The following ADGRV1 variants were observed in gnomAD, a reference collection of about 807,000 sequenced individuals.
The protein encoded by ADGRV1 is adhesion G protein-coupled receptor V1.
In ADGRV1, 359 loss-of-function variants were observed where a neutral mutation model predicts 596.2. The observed-to-expected ratio is 0.60, with a 90% confidence interval of 0.55 to 0.66. ADGRV1 has a LOEUF of 0.66. Ranked by LOEUF, ADGRV1 falls within the 30% of genes least tolerant of loss-of-function variation. The pLI is 0.00. For synonymous variants in ADGRV1, 2,681 were observed against 2,679.2 expected, an observed-to-expected ratio of 1.00 and a Z score of -0.02; for missense variants, 7,274 against 7,575.6, an observed-to-expected ratio of 0.96 and a Z score of 1.48.
intron 5 of ADGRV1, among the ~76,000 whole-genome samples, chr5:90,623,137 TTAAAA>T (rs1764311815): frequency 1.3e-5 from 2 of 152,206 alleles, no homozygotes; most frequent in Admixed American, 6.5e-5. Flanking sequence ...CACAATACAA[TTAAAA>T]TAAAGATGAA....
At chr5:90,611,705 A>AT (rs1762747905) in intron 1 of ADGRV1, among the ~76,000 whole-genome samples, 2 of 151,988 alleles carry the variant, frequency 1.3e-5, no homozygotes, top group South Asian at 4.1e-4. Context: ...GCATGAAAAA[A>AT]TTTTGTTAAA....
chr5:90,878,796 A>C (rs1769463729), intron 83 of ADGRV1, among the ~76,000 whole-genome samples: 4 of 152,230 alleles, frequency 2.6e-5, no homozygotes, highest in Non-Finnish European at 5.9e-5. Context: ...AGTCAGCTAC[A>C]TGGTGTAGTG....
intron 84 of ADGRV1, among the ~76,000 whole-genome samples, chr5:90,973,191 G>A (rs1417903393): frequency 6.6e-6 from 1 of 152,158 alleles, no homozygotes; most frequent in Non-Finnish European, 1.5e-5. Context: ...AACAGGCTCT[G>A]AAATTGAGGC....
At chr5:90,703,894 T>G in intron 35 of ADGRV1, 99 bp downstream of exon 35, 2 of 831,334 alleles carry the variant, frequency 2.4e-6, no homozygotes, top group Non-Finnish European at 3.7e-6. Context: ...GTTATTATCT[T>G]TCTCTCTTCT....
At chr5:90,823,334 G>C in intron 75 of ADGRV1, 91 bp from the exon 76 acceptor site, 1 of 1,275,920 alleles carries the variant, frequency 7.8e-7, no homozygotes, top group South Asian at 1.3e-5. Flanking sequence ...GGTATACTTT[G>C]GATGAAGAGG....
At chr5:90,675,856 T>A (rs1477020699) in intron 24 of ADGRV1, among the ~76,000 whole-genome samples, 1 of 152,080 alleles carries the variant, frequency 6.6e-6, no homozygotes, top group Admixed American at 6.6e-5. Context: ...AGAAATAATC[T>A]ACTTTATCTA....
At chr5:91,040,512 T>G (rs796915703) in intron 85 of ADGRV1, among the ~76,000 whole-genome samples, 3 of 152,332 alleles carry the variant, frequency 2.0e-5, no homozygotes, top group African/African-American at 7.2e-5. Context: ...TGCATTTCAC[T>G]TAGTTGTTAA....
At chr5:90,955,737 C>G (rs969006386) in intron 83 of ADGRV1, among the ~76,000 whole-genome samples, 21 of 152,132 alleles carry the variant, frequency 1.4e-4, no homozygotes, top group Admixed American at 1.3e-3. Context: ...TCTCTGTCAA[C>G]TTTATGTTGG....
Position 90,604,458 on chromosome 5 carries a change from GA to G in ADGRV1, c.23-10367del, listed in dbSNP as rs972636127. Among the ~76,000 whole-genome samples, 32 of 150,394 alleles carry G rather than the reference GA, an allele frequency of 2.1e-4. 1 individual carries two copies. The highest frequency in any genetic ancestry group is 4.6e-4 in the Admixed American group (7 of 15,090). ...TAGATAATACTACTGAATTTCAGGA[GA>G]AAAAAAAAATTTTGTTTGACTAGAG... On this transcript the variant is annotated intron_variant, in intron 1 of 89. Transcript: ENST00000405460.
intron 21 of ADGRV1, among the ~76,000 whole-genome samples, chr5:90,668,183 G>A (rs1771807647): frequency 6.6e-6 from 1 of 151,904 alleles, no homozygotes; most frequent in Admixed American, 6.5e-5. Flanking sequence ...GCAAGCCTGG[G>A]CAATGGCGGG....
chr5:90,740,124 G>A (rs1421273783), intron 50 of ADGRV1, among the ~76,000 whole-genome samples: 1 of 152,208 alleles, frequency 6.6e-6, no homozygotes, highest in Non-Finnish European at 1.5e-5. Flanking sequence ...TCACAGCTCT[G>A]CAGCTGGGTC....
chr5:90,862,668 G>A (rs1381624406), intron 82 of ADGRV1, among the ~76,000 whole-genome samples: 1 of 152,086 alleles, frequency 6.6e-6, no homozygotes, highest in African/African-American at 2.4e-5. Flanking sequence ...CCCAAAAAAC[G>A]GATTGCTCTA....
In ADGRV1 at chr5:90,882,943, T is replaced by C. The variant is rs534792102; in HGVS notation, c.17856+19086T>C. 1.1e-3 allele frequency among the ~76,000 whole-genome samples: 168 copies of C among 149,482 alleles called. 2 individuals carry two copies. Among genetic ancestry groups the C allele is most frequent in the African/African-American group, 4.1e-3 (161 of 38,898 alleles). ...TTACAAAATGTCTGTGACCATATTA[T>C]CTATTATGCTGTTAGTAACTAGAGA... On this transcript the variant is annotated intron_variant, in intron 83 of 89. Coordinates refer to ENST00000405460, the MANE Select transcript of ADGRV1 (RefSeq NM_032119.4).
chr5:90,698,305 T>G (rs977030519), intron 34 of ADGRV1, among the ~76,000 whole-genome samples: 20 of 152,174 alleles, frequency 1.3e-4, no homozygotes, highest in African/African-American at 3.6e-4. Context: ...CACTCCACCT[T>G]CATTATTTCA....
At chr5:90,940,068 G>A (rs767629477) in intron 83 of ADGRV1, among the ~76,000 whole-genome samples, 23 of 152,118 alleles carry the variant, frequency 1.5e-4, no homozygotes, top group Non-Finnish European at 3.2e-4. Flanking sequence ...AAAATGCATT[G>A]TCGACTTGTT....
rs573615341 is a variant in ADGRV1, at chr5:90,842,632, C to T, written c.17019+1647C>T. Among the ~76,000 whole-genome samples, 86 of 151,882 alleles carry T rather than the reference C, an allele frequency of 5.7e-4. 1 individual carries two copies. Among genetic ancestry groups the T allele is most frequent in the Non-Finnish European group, 1.1e-3 (78 of 67,976 alleles). On this transcript the variant is annotated intron_variant, in intron 78 of 89. Coordinates refer to ENST00000405460, the MANE Select transcript of ADGRV1 (RefSeq NM_032119.4). ...ATTTGGGAGGCTGAGGCAGGAGAAT[C>T]GCTTGAACCCAGGAGGTGGAGGTTG...
intron 1 of ADGRV1, among the ~76,000 whole-genome samples, chr5:90,585,810 C>T (rs1361141500): frequency 6.6e-6 from 1 of 152,144 alleles, no homozygotes; most frequent in Non-Finnish European, 1.5e-5. Context: ...ATGATTCAGC[C>T]AAGGACATAG....
intron 87 of ADGRV1, among the ~76,000 whole-genome samples, chr5:91,121,721 A>C (rs1219227280): frequency 1.3e-5 from 2 of 151,868 alleles, no homozygotes. Flanking sequence ...TCCCAGAGAG[A>C]AGATGACATC....
chr5:90,931,582 A>T (rs887570647), intron 83 of ADGRV1, among the ~76,000 whole-genome samples: 4 of 152,220 alleles, frequency 2.6e-5, no homozygotes, highest in Admixed American at 2.6e-4. Context: ...AAAAATCACA[A>T]ATTGTAAGAA....
Sources: gnomAD v4.1 joint callset for allele counts (sites outside exome capture counted in the v4.1 genomes callset) on GRCh38, gnomAD v4.1.1 for gene constraint, MANE v1.5 for transcripts, NCBI Gene and HGNC (gene_info 2026-07-23, HGNC 2026-07-21) for gene names.